Variants in GCNT2 observed in about 807,000 individuals in gnomAD.
The protein encoded by GCNT2 is glucosaminyl (N-acetyl) transferase 2 (I blood group).
GCNT2 carries 34 observed loss-of-function variants against 34.2 expected under a neutral mutation model. That is an observed-to-expected ratio of 1.00 (90% CI 0.76 to 1.32). The LOEUF (loss-of-function observed/expected upper bound fraction) is 1.32. Ranked by LOEUF, GCNT2 falls within the 40% of genes most tolerant of loss-of-function variation. GCNT2 has a pLI of 0.00. For missense variants in GCNT2, 584 were observed against 489.4 expected (o/e 1.19, Z -1.82); for synonymous variants, 212 against 188.0 (o/e 1.13, Z -1.04).
intron 3 of GCNT2, among the ~76,000 whole-genome samples, chr6:10,550,779 G>C (rs1260723820): frequency 2.0e-5 from 3 of 152,162 alleles, no homozygotes; most frequent in Non-Finnish European, 4.4e-5. Flanking sequence ...CACCACACTT[G>C]TCAGAAATGT....
At chr6:10,607,835 A>G (rs960589379) in intron 3 of GCNT2, among the ~76,000 whole-genome samples, 12 of 152,196 alleles carry the variant, frequency 7.9e-5, no homozygotes, top group Admixed American at 5.9e-4. Context: ...ATAAGTTCAC[A>G]TGGTAAACAT....
In GCNT2 at chr6:10,605,615, C is replaced by T. The variant is rs572408434; in HGVS notation, c.926-15736C>T. ...TGTCATTGGTACTTTTAAAAAGTTC[C>T]ATAGATGATTCTAAAATGGCAGCCA... is the stretch of plus-strand genomic sequence containing the variant. On this transcript the variant is annotated intron_variant, in intron 3 of 4. Transcript: ENST00000495262. Among the ~76,000 whole-genome samples the T allele has an allele frequency of 4.9e-3, 751 of 152,142 alleles. 6 individuals carry two copies. The highest frequency in any genetic ancestry group is 0.017 in the African/African-American group (699 of 41,504).
chr6:10,582,657 T>C (rs922356760), intron 3 of GCNT2, among the ~76,000 whole-genome samples: 2 of 146,602 alleles, frequency 1.4e-5, no homozygotes, highest in African/African-American at 5.0e-5. Context: ...GAGGCAGTGA[T>C]GGGGAAGAAA....
At chr6:10,586,370 C>A (rs144473761) in intron 3 of GCNT2, 1 of 1,613,962 alleles carries the variant, frequency 6.2e-7, no homozygotes. Flanking sequence ...ACTGTGTTCA[C>A]GTGGATGAGA....
Position 10,529,510 on chromosome 6 carries a change from A to G in GCNT2, c.599A>G (p.Asn200Ser), listed in dbSNP as rs1761370242. 1 of 1,614,104 alleles carries G rather than the reference A, an allele frequency of 6.2e-7. No homozygotes were observed. Residue 200 changes from asparagine (N) to serine (S), a missense_variant, in exon 3 of 5, where the codon AAC (asparagine) becomes AGC (serine). By Grantham distance (46) the Asn-to-Ser change is conservative (BLOSUM62 1). Coordinates refer to ENST00000495262, the MANE Select transcript of GCNT2 (RefSeq NM_145649.5). Reference protein sequence around the residue: ...TCGQDFPLKTNREIVQYLKGF... With the variant: ...TCGQDFPLKTSREIVQYLKGF... Reference sequence around the variant, plus strand: ...GGGCAAGACTTTCCCCTGAAAACCAACAGGGAAATAGTTCAGTATCTGAAG... The same window carrying G: ...GGGCAAGACTTTCCCCTGAAAACCAGCAGGGAAATAGTTCAGTATCTGAAG...
chr6:10,581,346 C>CTGCA (rs1240388079), intron 3 of GCNT2, among the ~76,000 whole-genome samples: 1 of 152,152 alleles, frequency 6.6e-6, no homozygotes, highest in East Asian at 1.9e-4. Flanking sequence ...TCTGGGCTCA[C>CTGCA]TGCAACCTCT....
chr6:10,530,183 G>A (rs1239674098), intron 3 of GCNT2: 1 of 232,294 alleles, frequency 4.3e-6, no homozygotes, highest in Non-Finnish European at 8.7e-6. Context: ...CCAACATGGT[G>A]AAAACCTGTA....
chr6:10,576,052 T>C (rs1409994496), intron 3 of GCNT2, among the ~76,000 whole-genome samples: 1 of 152,216 alleles, frequency 6.6e-6, no homozygotes, highest in African/African-American at 2.4e-5. Context: ...CGGACGTGCA[T>C]GAAAACGGGG....
At chr6:10,603,892 T>G (rs1485622264) in intron 3 of GCNT2, among the ~76,000 whole-genome samples, 1 of 46,240 alleles carries the variant, frequency 2.2e-5, no homozygotes, top group East Asian at 1.6e-3. Context: ...GGTTTGTTGT[T>G]TGTTTGTTTG....
intron 3 of GCNT2, chr6:10,573,262 G>T: frequency 1.0e-6 from 1 of 985,148 alleles, no homozygotes; most frequent in Non-Finnish European, 1.2e-6. Flanking sequence ...GAGAAAAGTT[G>T]TTGTGCAGAA....
At chr6:10,611,588 CAAAGTGCTGGG>C (rs1270511962) in intron 3 of GCNT2, among the ~76,000 whole-genome samples, 2 of 152,150 alleles carry the variant, frequency 1.3e-5, no homozygotes, top group African/African-American at 4.8e-5. Context: ...CTCGGCCTCC[CAAAGTGCTGGG>C]ATTACAGGCG....
chr6:10,547,280 G>T (rs567956661), intron 3 of GCNT2, among the ~76,000 whole-genome samples: 1 of 152,294 alleles, frequency 6.6e-6, no homozygotes, highest in South Asian at 2.1e-4. Flanking sequence ...ACTATCAAGT[G>T]ATAAGTAGCA....
chr6:10,535,281 C>T (rs1443465265), intron 3 of GCNT2, among the ~76,000 whole-genome samples: 1 of 152,148 alleles, frequency 6.6e-6, no homozygotes, highest in African/African-American at 2.4e-5. Flanking sequence ...GGTGAAGGTG[C>T]CCATGAGGAG....
chr6:10,586,163 CT>C (rs746491232), intron 3 of GCNT2: 2 of 1,614,048 alleles, frequency 1.2e-6, no homozygotes, highest in Non-Finnish European at 1.7e-6. Context: ...AAATGCCAGT[CT>C]TTTTGTGGGA....
intron 3 of GCNT2, chr6:10,556,232 G>T: frequency 1.4e-6 from 2 of 1,444,706 alleles, no homozygotes; most frequent in Non-Finnish European, 1.8e-6. Context: ...GCGGGATCTG[G>T]CTGTAATATC....
At chr6:10,599,468 C>G (rs1489538017) in intron 3 of GCNT2, among the ~76,000 whole-genome samples, 1 of 152,196 alleles carries the variant, frequency 6.6e-6, no homozygotes, top group Non-Finnish European at 1.5e-5. Context: ...TGAGAGGCAT[C>G]TTGCCCATCT....
At chr6:10,540,390 T>TTC (rs146225962) in intron 3 of GCNT2, among the ~76,000 whole-genome samples, 1 of 49,404 alleles carries the variant, frequency 2.0e-5, no homozygotes, top group Non-Finnish European at 3.4e-5. Flanking sequence ...TTCTCCTCTG[T>TTC]TCAAGATCCA....
chr6:10,588,963 G>T (rs999585323), intron 3 of GCNT2, among the ~76,000 whole-genome samples: 14 of 146,336 alleles, frequency 9.6e-5, no homozygotes, highest in Non-Finnish European at 4.5e-5. Flanking sequence ...AGTGTGTGTG[G>T]TGTGTGTGTA....
intron 3 of GCNT2, among the ~76,000 whole-genome samples, chr6:10,580,800 T>C (rs1310251636): frequency 6.6e-6 from 1 of 152,136 alleles, no homozygotes; most frequent in African/African-American, 2.4e-5. Context: ...ACTAACTCAT[T>C]GTGAGGGAAG....
Sources: gnomAD v4.1 joint callset for allele counts (sites outside exome capture counted in the v4.1 genomes callset) on GRCh38, gnomAD v4.1.1 for gene constraint, MANE v1.5 for transcripts, NCBI Gene and HGNC (gene_info 2026-07-23, HGNC 2026-07-21) for gene names.